The following GABRB1 variants were observed in gnomAD, a reference collection of about 807,000 sequenced individuals.
GABRB1 encodes gamma-aminobutyric acid receptor subunit beta-1.
A neutral mutation model predicts 51.6 loss-of-function variants in GABRB1; 17 were observed. The ratio of observed to expected loss-of-function variants is 0.33; its 90% CI spans 0.23 to 0.49. GABRB1 has a LOEUF of 0.49. Ranked by LOEUF, GABRB1 falls within the 20% of genes least tolerant of loss-of-function variation. The probability of loss-of-function intolerance (pLI) is 0.99; values close to 1 mark genes in which losing one functional copy is unlikely to be tolerated. For synonymous variants in GABRB1, 247 were observed against 218.9 expected (o/e 1.13, Z -1.14); for missense variants, 410 against 600.6 (o/e 0.68, Z 3.32).
chr4:47,394,328 T>G (rs1022023346), intron 5 of GABRB1, among the ~76,000 whole-genome samples: 2 of 152,242 alleles, frequency 1.3e-5, no homozygotes, highest in African/African-American at 2.4e-5. Flanking sequence ...TAAATAGTAT[T>G]TCTCTCCACA....
intron 5 of GABRB1, among the ~76,000 whole-genome samples, chr4:47,336,049 T>C (rs1725685960): frequency 6.6e-6 from 1 of 152,212 alleles, no homozygotes; most frequent in East Asian, 1.9e-4. Context: ...CTGGTCTTTC[T>C]AAATCAAAGC....
chr4:47,388,883 G>T (rs1434779103), intron 5 of GABRB1, among the ~76,000 whole-genome samples: 1 of 152,164 alleles, frequency 6.6e-6, no homozygotes, highest in East Asian at 1.9e-4. Context: ...AGAAAAAAAG[G>T]ATTGGGTTTG....
At chr4:47,035,846 C>T (rs911824576) in intron 3 of GABRB1, among the ~76,000 whole-genome samples, 1 of 152,192 alleles carries the variant, frequency 6.6e-6, no homozygotes, top group Non-Finnish European at 1.5e-5. Flanking sequence ...ATATTAACTA[C>T]CTTCTAACAA....
At chr4:47,308,058 G>A (rs551510268) in intron 4 of GABRB1, among the ~76,000 whole-genome samples, 80 of 152,036 alleles carry the variant, frequency 5.3e-4, no homozygotes, top group African/African-American at 1.8e-3. Flanking sequence ...TCTAGCTAGA[G>A]AAATAATACA....
At chr4:47,244,381 G>A (rs1205356225) in intron 4 of GABRB1, among the ~76,000 whole-genome samples, 2 of 151,936 alleles carry the variant, frequency 1.3e-5, no homozygotes, top group Non-Finnish European at 1.5e-5. Flanking sequence ...TTGGTATCAG[G>A]ATGATGCTGG....
intron 4 of GABRB1, among the ~76,000 whole-genome samples, chr4:47,287,166 T>C (rs913013801): frequency 1.3e-5 from 2 of 152,224 alleles, no homozygotes; most frequent in Non-Finnish European, 2.9e-5. Flanking sequence ...GAACATTGCA[T>C]ACCCCAGAAT....
intron 4 of GABRB1, among the ~76,000 whole-genome samples, chr4:47,309,479 A>C (rs1412064509): frequency 6.6e-6 from 1 of 152,122 alleles, no homozygotes; most frequent in African/African-American, 2.4e-5. Context: ...AAAAGAGAGG[A>C]GGGAAAGAAA....
At chr4:47,148,683 G>A (rs1038229913) in intron 3 of GABRB1, among the ~76,000 whole-genome samples, 4 of 151,512 alleles carry the variant, frequency 2.6e-5, no homozygotes, top group Non-Finnish European at 2.9e-5. Flanking sequence ...GCCTTCCCTT[G>A]GCTAACATTT....
At chr4:47,343,427 C>T (rs1725976618) in intron 5 of GABRB1, among the ~76,000 whole-genome samples, 1 of 152,092 alleles carries the variant, frequency 6.6e-6, no homozygotes, top group Non-Finnish European at 1.5e-5. Flanking sequence ...GAAATATTGC[C>T]AGTAGAAATT....
intron 3 of GABRB1, among the ~76,000 whole-genome samples, chr4:47,075,384 A>G (rs1272876983): frequency 6.6e-6 from 1 of 152,182 alleles, no homozygotes; most frequent in East Asian, 1.9e-4. Context: ...TAGAAATTAA[A>G]CCTGCAGTGC....
chr4:47,144,761 T>C (rs1425094758), intron 3 of GABRB1, among the ~76,000 whole-genome samples: 1 of 151,648 alleles, frequency 6.6e-6, no homozygotes, highest in East Asian at 1.9e-4. Context: ...AGCACAGCAA[T>C]GGATTTTAGG....
chr4:47,154,019 A>G (rs1717574629), intron 3 of GABRB1, among the ~76,000 whole-genome samples: 1 of 152,228 alleles, frequency 6.6e-6, no homozygotes, highest in South Asian at 2.1e-4. Context: ...AATAGTTAAC[A>G]TAACACTAGA....
In GABRB1 at chr4:47,201,758, C is replaced by T. The variant is rs552049003; in HGVS notation, c.461+40289C>T. 3.9e-5 allele frequency among the ~76,000 whole-genome samples: 6 copies of T among 152,128 alleles called. No individual in the cohort carries two copies. The South Asian group carries it at 8.3e-4, about 21-fold the overall frequency. On this transcript the variant is annotated intron_variant, in intron 4 of 8. Coordinates refer to ENST00000295454, the MANE Select transcript of GABRB1 (RefSeq NM_000812.4). ...AAAAGCGAAGATAGTCTAGATATAA[C>T]CCTATTTATCATAGATCGAAGAGGA...
chr4:47,042,490 A>G (rs1429849113), intron 3 of GABRB1, among the ~76,000 whole-genome samples: 2 of 147,966 alleles, frequency 1.4e-5, no homozygotes, highest in Admixed American at 6.8e-5. Context: ...ATATATATAT[A>G]TGTATATATA....
intron 5 of GABRB1, among the ~76,000 whole-genome samples, chr4:47,329,298 G>A (rs563099528): frequency 2.0e-5 from 3 of 151,900 alleles, no homozygotes; most frequent in East Asian, 3.9e-4. Context: ...GAGTTGCCCA[G>A]TGTGTTATTC....
chr4:47,130,705 T>C (rs1410845099), intron 3 of GABRB1, among the ~76,000 whole-genome samples: 1 of 152,190 alleles, frequency 6.6e-6, no homozygotes, highest in Non-Finnish European at 1.5e-5. Context: ...TGTCTGTTCC[T>C]GCAGTAGGTC....
chr4:47,148,139 A>G (rs992982736), intron 3 of GABRB1, among the ~76,000 whole-genome samples: 2 of 152,096 alleles, frequency 1.3e-5, no homozygotes, highest in Non-Finnish European at 2.9e-5. Flanking sequence ...CAGAATAAAG[A>G]AACATTTTAA....
At chr4:47,039,900 A>G (rs564869091) in intron 3 of GABRB1, among the ~76,000 whole-genome samples, 4 of 152,300 alleles carry the variant, frequency 2.6e-5, no homozygotes, top group South Asian at 4.1e-4. Flanking sequence ...GAATGCTCTC[A>G]TTGTGTAAAA....
intron 5 of GABRB1, among the ~76,000 whole-genome samples, chr4:47,341,664 C>G (rs1269393799): frequency 6.6e-6 from 1 of 152,152 alleles, no homozygotes; most frequent in Non-Finnish European, 1.5e-5. Context: ...TTTTAAAACT[C>G]TGACCTTCTA....
Sources: allele counts gnomAD v4.1 joint callset (sites outside exome capture counted in the v4.1 genomes callset), GRCh38; gene constraint gnomAD v4.1.1; transcripts MANE v1.5; gene names NCBI Gene and HGNC (gene_info 2026-07-23, HGNC 2026-07-21).